TBCA: variants seen among roughly 807,000 people sequenced by gnomAD.
TBCA encodes the protein tubulin-specific chaperone A.
In TBCA, 6 loss-of-function variants were observed where a neutral mutation model predicts 15.8. The observed-to-expected ratio is 0.38, with a 90% CI of 0.21 to 0.75. The LOEUF is 0.75. Among genes scored for constraint, TBCA ranks in the 30% least tolerant of loss-of-function variants. The pLI is 0.46. For missense variants in TBCA, 90 were observed against 131.2 expected, an observed-to-expected ratio of 0.69 and a Z score of 1.53; for synonymous variants, 32 against 42.3, an observed-to-expected ratio of 0.76 and a Z score of 0.94.
chr5:77,771,288 C>T (rs1343857979), intron 1 of TBCA, among the ~76,000 whole-genome samples: 1 of 151,596 alleles, frequency 6.6e-6, no homozygotes, highest in Admixed American at 6.6e-5. Context: ...AAAATAACAA[C>T]AATACTATTA....
At chr5:77,752,681 C>T (rs1235205004) in intron 1 of TBCA, among the ~76,000 whole-genome samples, 1 of 115,862 alleles carries the variant, frequency 8.6e-6, no homozygotes, top group Non-Finnish European at 1.9e-5. Context: ...GCCTCAGCCT[C>T]CCGAGTAGCT....
At chr5:77,720,888 G>A (rs1746515905) in intron 1 of TBCA, among the ~76,000 whole-genome samples, 1 of 152,120 alleles carries the variant, frequency 6.6e-6, no homozygotes, top group Non-Finnish European at 1.5e-5. Context: ...GAGATTTAAA[G>A]GTAGCATCTG....
At chr5:77,715,314 C>T (rs1488067320) in intron 1 of TBCA, 1 of 701,406 alleles carries the variant, frequency 1.4e-6, no homozygotes. Flanking sequence ...CAACATAATC[C>T]CTAACAAAGG....
chr5:77,699,053 A>G lies in TBCA; in HGVS notation c.160-5701T>C, dbSNP rs1004455479. Among the ~76,000 whole-genome samples, 16 of 150,906 alleles carry G rather than the reference A, an allele frequency of 1.1e-4. No homozygotes were observed. The East Asian group carries it at 2.5e-3, about 24-fold the overall frequency. On this transcript the variant is annotated intron_variant, in intron 2 of 3. Transcript: ENST00000380377. Reference sequence around the variant, plus strand: ...AGCATCAAAAAAAAAAAAAAAAAAAAAAAAAGAAATACTTAGCTATACATT... The same window carrying G: ...AGCATCAAAAAAAAAAAAAAAAAAAGAAAAAGAAATACTTAGCTATACATT...
chr5:77,774,695 C>A (rs1580144436), intron 1 of TBCA, among the ~76,000 whole-genome samples: 1 of 152,144 alleles, frequency 6.6e-6, no homozygotes, highest in South Asian at 2.1e-4. Flanking sequence ...CAAGCTGTAG[C>A]CTGACCACCT....
chr5:77,761,192 A>C (rs1348774396), intron 1 of TBCA, among the ~76,000 whole-genome samples: 1 of 151,938 alleles, frequency 6.6e-6, no homozygotes, highest in Non-Finnish European at 1.5e-5. Context: ...TGTCGAAAAG[A>C]AAAGGGGGAA....
At chr5:77,737,811 TTAAC>T (rs1610961) in intron 1 of TBCA, among the ~76,000 whole-genome samples, 22,454 of 152,048 alleles carry the variant, frequency 0.15, 2,154 homozygotes, top group East Asian at 0.35. Context: ...ATCCAGCACT[TTAAC>T]TATCAATTTC....
chr5:77,694,624 CA>C (rs796730357), intron 2 of TBCA, among the ~76,000 whole-genome samples: 1 of 151,774 alleles, frequency 6.6e-6, no homozygotes, highest in Non-Finnish European at 1.5e-5. Flanking sequence ...CATTTATTTC[CA>C]AAAAAACAAT....
intron 1 of TBCA, among the ~76,000 whole-genome samples, chr5:77,744,962 T>C (rs1747149262): frequency 6.6e-6 from 1 of 152,216 alleles, no homozygotes; most frequent in Admixed American, 6.5e-5. Context: ...TTCCCAGCTG[T>C]GTATCTTTGG....
intron 1 of TBCA, among the ~76,000 whole-genome samples, chr5:77,720,451 C>T (rs980227754): frequency 6.6e-6 from 1 of 152,154 alleles, no homozygotes; most frequent in Non-Finnish European, 1.5e-5. Context: ...CGGTGGCTCT[C>T]GCCTGTAATC....
At chr5:77,720,699 G>A (rs1191296603) in intron 1 of TBCA, among the ~76,000 whole-genome samples, 1 of 152,170 alleles carries the variant, frequency 6.6e-6, no homozygotes, top group Non-Finnish European at 1.5e-5. Flanking sequence ...GGGTCAGAGA[G>A]TGAGACTCCA....
chr5:77,765,419 A>G (rs1262510369), intron 1 of TBCA, among the ~76,000 whole-genome samples: 1 of 152,200 alleles, frequency 6.6e-6, no homozygotes, highest in Non-Finnish European at 1.5e-5. Context: ...TCATAGTGAA[A>G]ACTACAAAGT....
At chr5:77,764,164 C>T (rs1438406272) in intron 1 of TBCA, among the ~76,000 whole-genome samples, 1 of 152,016 alleles carries the variant, frequency 6.6e-6, no homozygotes, top group African/African-American at 2.4e-5. Context: ...AAGTAAATGA[C>T]ACGTTTTAGC....
At position 77,715,859 on chromosome 5, in the gene TBCA, CCT is replaced by C. The variant is rs1360619473; in HGVS notation, c.54-7514_54-7513del. ...TTCCTTCAAACAGGTATTAAATCCC[CCT>C]GTTTGGAGCCTCTAGTATAATTTCC... is the stretch of plus-strand genomic sequence containing the variant. On this transcript the variant is annotated intron_variant, in intron 1 of 3. Transcript: ENST00000380377. Among the ~76,000 whole-genome samples the C allele has an allele frequency of 1.1e-4, 17 of 152,230 alleles. No homozygotes were observed. The East Asian group carries it at 2.7e-3, about 24-fold the overall frequency.
chr5:77,723,151 T>TA (rs1217490281), intron 1 of TBCA, among the ~76,000 whole-genome samples: 3 of 151,734 alleles, frequency 2.0e-5, no homozygotes, highest in South Asian at 2.1e-4. Context: ...TGGGTTTTTT[T>TA]AAAAAAATCC....
chr5:77,733,451 T>A (rs1379218399), intron 1 of TBCA, among the ~76,000 whole-genome samples: 1 of 152,188 alleles, frequency 6.6e-6, no homozygotes, highest in Non-Finnish European at 1.5e-5. Context: ...ACACGAATGA[T>A]AATAAAGCAA....
intron 1 of TBCA, among the ~76,000 whole-genome samples, chr5:77,731,750 T>G (rs1746773178): frequency 6.6e-6 from 1 of 152,216 alleles, no homozygotes; most frequent in African/African-American, 2.4e-5. Flanking sequence ...TTTTATAATA[T>G]CTATATAATC....
At chr5:77,763,062 T>C (rs1486178977) in intron 1 of TBCA, among the ~76,000 whole-genome samples, 2 of 151,950 alleles carry the variant, frequency 1.3e-5, no homozygotes, top group African/African-American at 4.8e-5. Flanking sequence ...GATAACATGG[T>C]GAAACCCCGT....
At chr5:77,726,721 A>G (rs531660129) in intron 1 of TBCA, among the ~76,000 whole-genome samples, 1 of 152,326 alleles carries the variant, frequency 6.6e-6, no homozygotes, top group Non-Finnish European at 1.5e-5. Context: ...CTAAAGGAGA[A>G]GCTGAATGAT....
Sources: gnomAD v4.1 joint callset for allele counts (sites outside exome capture counted in the v4.1 genomes callset) on GRCh38, gnomAD v4.1.1 for gene constraint, MANE v1.5 for transcripts, NCBI Gene and HGNC (gene_info 2026-07-23, HGNC 2026-07-21) for gene names.